Variants in C1orf162 observed in about 807,000 individuals in gnomAD.
C1orf162 encodes transmembrane protein C1orf162.
A neutral mutation model predicts 11.4 loss-of-function variants in C1orf162; 10 were observed. The observed-to-expected ratio is 0.88, with a 90% CI of 0.54 to 1.48. The LOEUF is 1.48. C1orf162 is among the 40% of genes most tolerant of loss of function. C1orf162 has a pLI of 0.00. For missense variants in C1orf162, 140 were observed against 149.5 expected (o/e 0.94, Z 0.33); for synonymous variants, 53 against 55.0 (o/e 0.96, Z 0.16).
chr1:111,478,180 C>T lies in C1orf162; in HGVS notation c.*57C>T. On this transcript the variant is annotated 3_prime_UTR_variant, in exon 6 of 6. Coordinates refer to ENST00000369718, the MANE Select transcript of C1orf162 (RefSeq NM_001300834.2). ...TCCTCTCATCTCAGCCCTATCTTCA[C>T]ACATCACTTTCACTTTTTTACAAAT... The T allele has an allele frequency of 6.3e-7, 1 of 1,598,950 alleles. No homozygotes were observed. Among genetic ancestry groups the T allele is most frequent in the Non-Finnish European group, 8.6e-7 (1 of 1,167,794 alleles).
chr1:111,477,903 A>G (rs1654053152), intron 5 of C1orf162, 80 bp from the exon 6 acceptor site: 3 of 1,600,134 alleles, frequency 1.9e-6, no homozygotes, highest in African/African-American at 1.3e-5. Context: ...TTCTTTGACC[A>G]AAGTGCTCAG....
chr1:111,477,240 C>A, intron 3 of C1orf162, 94 bp from the exon 4 acceptor site: 1 of 1,085,672 alleles, frequency 9.2e-7, no homozygotes, highest in Non-Finnish European at 1.4e-6. Context: ...AAAACCATTT[C>A]AGGAGTCCAT....
Position 111,478,182 on chromosome 1 carries a change from C to T in C1orf162, c.*59C>T. ...CTCTCATCTCAGCCCTATCTTCACA[C>T]ATCACTTTCACTTTTTTACAAATTT... is the stretch of plus-strand genomic sequence containing the variant. On this transcript the variant is annotated 3_prime_UTR_variant, in exon 6 of 6. Coordinates refer to ENST00000369718, the MANE Select transcript of C1orf162 (RefSeq NM_001300834.2). 2 of 1,595,982 alleles carry T rather than the reference C, an allele frequency of 1.3e-6. No individual in the cohort carries two copies. The highest frequency in any genetic ancestry group is 1.7e-6 in the Non-Finnish European group (2 of 1,165,472).
intron 5 of C1orf162, 41 bp downstream of exon 5, chr1:111,477,816 C>T (rs200889010): frequency 3.8e-5 from 61 of 1,611,046 alleles, no homozygotes; most frequent in Non-Finnish European, 4.8e-5. Context: ...GAAGGGCTAC[C>T]GTCATTGGAA....
rs1340504894 is a variant in C1orf162, at chr1:111,478,094, G to T, written c.364G>T (p.Val122Phe). 1 of 1,614,172 alleles carries T rather than the reference G, an allele frequency of 6.2e-7. No individual in the cohort carries two copies. Among genetic ancestry groups the T allele is most frequent in the Middle Eastern group, 1.6e-4 (1 of 6,062 alleles). Residue 122 changes from valine (V) to phenylalanine (F), a missense_variant, in exon 6 of 6, where the codon GTC (valine) becomes TTC (phenylalanine). Val to Phe is a conservative substitution (Grantham distance 50, BLOSUM62 -1). Coordinates refer to ENST00000369718, the MANE Select transcript of C1orf162 (RefSeq NM_001300834.2). ...CCATTCTGCAGACTTTGACCCCATTGTCTATGCTCAAATTAAAGTAACAAA... is the reference window on the plus strand; with the variant it reads ...CCATTCTGCAGACTTTGACCCCATTTTCTATGCTCAAATTAAAGTAACAAA... ...ENHSADFDPI[V>F]YAQIKVTN
Position 111,477,433 on chromosome 1 carries a change from G to C in C1orf162, c.202+5G>C, listed in dbSNP as rs1323343977. The C allele has an allele frequency of 6.2e-7, 1 of 1,609,428 alleles. No individual in the cohort carries two copies. The highest frequency in any genetic ancestry group is 1.1e-5 in the South Asian group (1 of 90,974). On this transcript the variant is annotated splice_donor_5th_base_variant and intron_variant, in intron 4 of 5. Coordinates refer to ENST00000369718, the MANE Select transcript of C1orf162 (RefSeq NM_001300834.2). Reference sequence around the variant, plus strand: ...TCATAAAGAGCTACAGAAAATGTAAGTGGTCTCCAAGGGATAGGACAGCCC... The same window carrying C: ...TCATAAAGAGCTACAGAAAATGTAACTGGTCTCCAAGGGATAGGACAGCCC...
At chr1:111,475,958 T>C (rs1170784972) in intron 1 of C1orf162, 60 bp from the exon 2 acceptor site, 10 of 1,340,706 alleles carry the variant, frequency 7.5e-6, no homozygotes, top group Non-Finnish European at 9.6e-6. Context: ...GTCTCAGAGC[T>C]GGCCCTTAAG....
rs116066806 is a variant in C1orf162, at chr1:111,474,351, A to G, written c.-12+321A>G. ...AGTAGCTATTTCCCTGTGGTATTGT[A>G]CGATGATTTTGTCCATTTATGTGAA... is the stretch of plus-strand genomic sequence containing the variant. On this transcript the variant is annotated intron_variant, in intron 1 of 5. Transcript: ENST00000369718. Among the ~76,000 whole-genome samples, 1,402 of 152,264 alleles carry G rather than the reference A, an allele frequency of 9.2e-3. 20 individuals are homozygous for G. The highest frequency in any genetic ancestry group is 0.032 in the African/African-American group (1,344 of 41,544).
chr1:111,477,006 G>C, intron 3 of C1orf162, 139 bp downstream of exon 3: 2 of 929,878 alleles, frequency 2.2e-6, no homozygotes, highest in Non-Finnish European at 3.4e-6. Flanking sequence ...GTCAGTTTGT[G>C]ATCTCAGGAG....
At chr1:111,477,661 G>A (rs752975959) in intron 4 of C1orf162, 65 bp from the exon 5 acceptor site, 5 of 1,612,544 alleles carry the variant, frequency 3.1e-6, no homozygotes, top group East Asian at 4.5e-5. Context: ...ATCGAAGGGA[G>A]AGGCTTCCCA....
chr1:111,478,171 CT>C lies in C1orf162; in HGVS notation c.*49del, dbSNP rs1557809987. ...GAATCCATTTCCTCTCATCTCAGCC[CT>C]ATCTTCACACATCACTTTCACTTTT... is the stretch of plus-strand genomic sequence containing the variant. On this transcript the variant is annotated 3_prime_UTR_variant, in exon 6 of 6. Coordinates refer to ENST00000369718, the MANE Select transcript of C1orf162 (RefSeq NM_001300834.2). 1 of 1,605,996 alleles carries C rather than the reference CT, an allele frequency of 6.2e-7. No individual in the cohort carries two copies. The highest frequency in any genetic ancestry group is 1.3e-5 in the African/African-American group (1 of 74,876).
intron 2 of C1orf162, 95 bp downstream of exon 2, chr1:111,476,160 T>C: frequency 8.2e-7 from 1 of 1,217,866 alleles, no homozygotes; most frequent in African/African-American, 1.5e-5. Context: ...CACTAGCTAG[T>C]GCATTTCTGA....
Position 111,477,747 on chromosome 1 carries a change from C to T in C1orf162, c.224C>T (p.Pro75Leu), listed in dbSNP as rs1405368306. 6.2e-7 allele frequency: 1 copy of T among 1,613,894 alleles called. No homozygotes were observed. The highest frequency in any genetic ancestry group is 8.5e-7 in the Non-Finnish European group (1 of 1,180,014). The change falls in exon 5 of 6, where the codon CCA (proline) becomes CTA (leucine). Residue 75 changes from proline to leucine, a missense_variant. Physicochemically the swap from Pro to Leu is moderately conservative, Grantham distance 98. Coordinates refer to ENST00000369718, the MANE Select transcript of C1orf162 (RefSeq NM_001300834.2). The stretch of plus-strand genomic sequence containing the variant: ...GCAGATCACTCCAAGCCCCAGGCCC[C>T]AGATCCTCACTCAGATCCTCCAGCC... ...YRKYHSKPQA[P>L]DPHSDPPAKL...
intron 1 of C1orf162, chr1:111,475,573 A>G (rs955799586): frequency 6.0e-6 from 1 of 167,246 alleles, no homozygotes; most frequent in African/African-American, 2.4e-5. Flanking sequence ...CAATATAAAA[A>G]TCATCCATTC....
At chr1:111,474,633 A>G (rs1414330221) in intron 1 of C1orf162, 1 of 152,226 alleles carries the variant, frequency 6.6e-6, no homozygotes, top group Admixed American at 6.5e-5. Flanking sequence ...AAAAGGAGCA[A>G]AAAGTGTGAG....
chr1:111,477,114 G>A (rs1425200078), intron 3 of C1orf162: 1 of 634,980 alleles, frequency 1.6e-6, no homozygotes, highest in African/African-American at 1.8e-5. Flanking sequence ...TGAACATTGT[G>A]TGGGTTGAGG....
intron 3 of C1orf162, 142 bp downstream of exon 3, chr1:111,477,009 C>T: frequency 1.1e-6 from 1 of 918,002 alleles, no homozygotes; most frequent in Non-Finnish European, 1.7e-6. Flanking sequence ...AGTTTGTGAT[C>T]TCAGGAGTAT....
chr1:111,478,431 C>T lies in C1orf162; in HGVS notation c.*308C>T, dbSNP rs115665809. On this transcript the variant is annotated 3_prime_UTR_variant, in exon 6 of 6. Coordinates refer to ENST00000369718, the MANE Select transcript of C1orf162 (RefSeq NM_001300834.2). ...CAGAGCTCAGTGCACAGAGTATTCACCCAGCATCATGAATCAACTTGGGAG... is the reference window on the plus strand; with the variant it reads ...CAGAGCTCAGTGCACAGAGTATTCATCCAGCATCATGAATCAACTTGGGAG... 19 of 317,020 alleles carry T rather than the reference C, an allele frequency of 6.0e-5. No individual in the cohort carries two copies. Among genetic ancestry groups the T allele is most frequent in the African/African-American group, 3.8e-4 (18 of 47,962 alleles). 19.6% of individuals were successfully genotyped at this position (317,020 alleles called of 1,614,324 possible). A position where few individuals can be genotyped will look rare whatever the true frequency, so the allele number is the denominator to read the frequency against.
At chr1:111,477,830 C>T (rs939562762) in intron 5 of C1orf162, 55 bp downstream of exon 5, 11 of 1,604,460 alleles carry the variant, frequency 6.9e-6, no homozygotes. Flanking sequence ...ATTGGAATTC[C>T]CCTCCATACT....
Sources: allele counts gnomAD v4.1 joint callset (sites outside exome capture counted in the v4.1 genomes callset), GRCh38; gene constraint gnomAD v4.1.1; transcripts MANE v1.5; gene names NCBI Gene and HGNC (gene_info 2026-07-23, HGNC 2026-07-21).